OTOA: variants seen among roughly 807,000 people sequenced by gnomAD.
The protein encoded by OTOA is otoancorin, also known as cancer/testis antigen 108.
In OTOA, 70 loss-of-function variants were observed where a neutral mutation model predicts 110.8. That is an observed-to-expected ratio of 0.63 (90% CI 0.52 to 0.77). The LOEUF is 0.77. Ranked by LOEUF, OTOA falls within the 30% of genes least tolerant of loss-of-function variation. The probability of loss-of-function intolerance (pLI) is 0.00; values close to 1 mark genes in which losing one functional copy is unlikely to be tolerated. For synonymous variants in OTOA, 373 were observed against 431.5 expected, an observed-to-expected ratio of 0.86 and a Z score of 1.68; for missense variants, 917 against 1,075.8, an observed-to-expected ratio of 0.85 and a Z score of 2.06.
At chr16:21,693,777 T>C (rs995343110) in intron 9 of OTOA, among the ~76,000 whole-genome samples, 14 of 152,276 alleles carry the variant, frequency 9.2e-5, no homozygotes, top group Non-Finnish European at 2.9e-5. Flanking sequence ...GATTCCTCCA[T>C]GTTGGCCAGG....
chr16:21,713,385 A>G (rs1450321479), intron 13 of OTOA, among the ~76,000 whole-genome samples: 2 of 152,178 alleles, frequency 1.3e-5, no homozygotes, highest in African/African-American at 2.4e-5. Context: ...ATGTCGGTAG[A>G]GAGGGCGAGG....
Position 21,709,926 on chromosome 16 carries a change from G to C in OTOA, c.1143G>C (p.Gln381His). 1 of 1,614,028 alleles carries C rather than the reference G, an allele frequency of 6.2e-7. No homozygotes were observed. Among genetic ancestry groups the C allele is most frequent in the South Asian group, 1.1e-5 (1 of 91,078 alleles). The part of the protein sequence containing the change: ...AELLDIAMEN[Q>H]TLNETLGSLS... ...TCCTGGACATTGCCATGGAGAACCA[G>C]ACCCTCAATGAGACCCTGGGTTCTT... is the stretch of plus-strand genomic sequence containing the variant. The change falls in exon 13 of 29, where the codon CAG (glutamine) becomes CAC (histidine). Residue 381 changes from glutamine to histidine, a missense_variant. Physicochemically the swap from Gln to His is conservative, Grantham distance 24 (BLOSUM62 0). Around this residue, in one of 6 missense-constraint regions of OTOA, gnomAD observed 840 missense variants for 910.2 expected, o/e 0.92. Coordinates refer to ENST00000646100, the MANE Select transcript of OTOA (RefSeq NM_144672.4).
intron 13 of OTOA, among the ~76,000 whole-genome samples, chr16:21,713,638 C>T (rs1239327349): frequency 1.3e-5 from 2 of 152,162 alleles, no homozygotes; most frequent in South Asian, 2.1e-4. Flanking sequence ...GAAAAGGCCA[C>T]GTGAAAGTTA....
intron 8 of OTOA, among the ~76,000 whole-genome samples, chr16:21,690,815 GT>G (rs913420910): frequency 6.2e-4 from 90 of 145,048 alleles, no homozygotes; most frequent in East Asian, 6.0e-3. Context: ...GAAAGGGAAG[GT>G]TTTTTTTTTT....
chr16:21,717,736 C>T (rs910476555), intron 15 of OTOA, among the ~76,000 whole-genome samples: 6 of 152,134 alleles, frequency 3.9e-5, no homozygotes, highest in African/African-American at 1.2e-4. Flanking sequence ...AGTCAGTCTT[C>T]ATTACATGCA....
At chr16:21,670,579 A>G (rs1035808122) in intron 1 of OTOA, among the ~76,000 whole-genome samples, 2 of 151,964 alleles carry the variant, frequency 1.3e-5, no homozygotes, top group Non-Finnish European at 2.9e-5. Flanking sequence ...TTGATTATCT[A>G]TTTTCTGCCT....
chr16:21,714,356 TCTC>T (rs1898466443), intron 13 of OTOA, among the ~76,000 whole-genome samples: 85 of 115,604 alleles, frequency 7.4e-4, no homozygotes, highest in African/African-American at 2.0e-3. Flanking sequence ...TTTCTTTCCT[TCTC>T]TCTTTCTTTC....
At chr16:21,693,741 G>C (rs1897879715) in intron 9 of OTOA, among the ~76,000 whole-genome samples, 1 of 151,996 alleles carries the variant, frequency 6.6e-6, no homozygotes, top group Non-Finnish European at 1.5e-5. Context: ...ATGTCCAGCT[G>C]ATTTTTGTAT....
At chr16:21,716,677 G>T (rs1474634057) in intron 14 of OTOA, among the ~76,000 whole-genome samples, 1 of 152,178 alleles carries the variant, frequency 6.6e-6, no homozygotes, top group Non-Finnish European at 1.5e-5. Context: ...AGGAGCACGG[G>T]TTTTGGAATC....
intron 5 of OTOA, 94 bp from the exon 6 acceptor site, chr16:21,681,644 C>A: frequency 1.0e-6 from 1 of 994,302 alleles, no homozygotes; most frequent in Non-Finnish European, 1.6e-6. Context: ...ACCCCTGGTC[C>A]ATCCCTACCT....
intron 18 of OTOA, among the ~76,000 whole-genome samples, chr16:21,724,407 G>A (rs887547530): frequency 1.3e-5 from 2 of 152,070 alleles, no homozygotes; most frequent in Admixed American, 1.3e-4. Context: ...AATCACTCTG[G>A]GAACACATGG....
At position 21,760,646 on chromosome 16, in the gene OTOA, T is replaced by A; in HGVS notation, c.*106T>A. ...ACCCTTCCCTGGATCCAGACCCTCA[T>A]CTAGGGCAGGGAAACCCTGGGGCCT... is the stretch of plus-strand genomic sequence containing the variant. On this transcript the variant is annotated 3_prime_UTR_variant, in exon 29 of 29. Transcript: ENST00000646100. 1 of 1,020,838 alleles carries A rather than the reference T, an allele frequency of 9.8e-7. No homozygotes were observed. Among genetic ancestry groups the A allele is most frequent in the South Asian group, 1.3e-5 (1 of 75,858 alleles). 63.2% of individuals were successfully genotyped at this position (1,020,838 alleles called of 1,614,324 possible). A position where few individuals can be genotyped will look rare whatever the true frequency, so the allele number is the denominator to read the frequency against.
rs116856444 is a variant in OTOA at position 21,703,324 on chromosome 16, G to A, written c.981-1845G>A. 3.8e-4 allele frequency among the ~76,000 whole-genome samples: 58 copies of A among 152,072 alleles called. No homozygotes were observed. In the East Asian group the frequency reaches 9.5e-3, roughly 25 times the overall value. Reference sequence around the variant, plus strand: ...AAGGCTCTGCTTCCATGAGTATGACGTTTGTTTATTTGTTTTTCAGATTCA... The same window carrying A: ...AAGGCTCTGCTTCCATGAGTATGACATTTGTTTATTTGTTTTTCAGATTCA... On this transcript the variant is annotated intron_variant, in intron 11 of 28. Coordinates refer to ENST00000646100, the MANE Select transcript of OTOA (RefSeq NM_144672.4).
At chr16:21,737,446 A>T (rs2141735208) in intron 22 of OTOA, among the ~76,000 whole-genome samples, 1 of 152,218 alleles carries the variant, frequency 6.6e-6, no homozygotes, top group Non-Finnish European at 1.5e-5. Flanking sequence ...GCTGGTCTTG[A>T]ACGCTGGCCT....
chr16:21,759,166 C>G (rs1188187269), intron 28 of OTOA, among the ~76,000 whole-genome samples: 1 of 152,054 alleles, frequency 6.6e-6, no homozygotes, highest in East Asian at 1.9e-4. Context: ...GTGGTGAAAT[C>G]TTTTCCTCCA....
At chr16:21,701,665 C>T (rs1898055632) in intron 11 of OTOA, among the ~76,000 whole-genome samples, 1 of 152,124 alleles carries the variant, frequency 6.6e-6, no homozygotes. Context: ...GTCACCCAGG[C>T]TGGAGTGCAG....
chr16:21,669,879 G>T (rs575023414), intron 1 of OTOA, among the ~76,000 whole-genome samples: 2 of 152,166 alleles, frequency 1.3e-5, no homozygotes, highest in South Asian at 4.1e-4. Context: ...TCATCCCAGA[G>T]CTTTGGGAGG....
chr16:21,665,925 G>C (rs1260965604), intron 1 of OTOA, among the ~76,000 whole-genome samples: 1 of 151,894 alleles, frequency 6.6e-6, no homozygotes, highest in African/African-American at 2.4e-5. Context: ...CGACCTCCCA[G>C]GCTCAGGCAA....
At position 21,714,240 on chromosome 16, in the gene OTOA, C is replaced by G. The variant is rs1050496982; in HGVS notation, c.1321-745C>G. Reference sequence around the variant, plus strand: ...TTCTCTCTCTCTCTTTCTTTCTTTCCTTTCTTTCTTTTTTCTTTCTTTCTT... The same window carrying G: ...TTCTCTCTCTCTCTTTCTTTCTTTCGTTTCTTTCTTTTTTCTTTCTTTCTT... On this transcript the variant is annotated intron_variant, in intron 13 of 28. Coordinates refer to ENST00000646100, the MANE Select transcript of OTOA (RefSeq NM_144672.4). Among the ~76,000 whole-genome samples the G allele has an allele frequency of 7.2e-5, 8 of 111,570 alleles. 1 individual carries two copies. The highest frequency in any genetic ancestry group is 2.9e-4 in the African/African-American group (8 of 27,962). The allele number at this position is 111,570 out of a possible 152,430, so 73.2% of individuals were successfully genotyped here.
Sources: gnomAD v4.1 joint callset for allele counts (sites outside exome capture counted in the v4.1 genomes callset) on GRCh38, gnomAD v4.1.1 for gene constraint, gnomAD v4.1.1 regional missense constraint, MANE v1.5 for transcripts, NCBI Gene and HGNC (gene_info 2026-07-23, HGNC 2026-07-21) for gene names.